The following AGBL1 variants were observed in gnomAD, a reference collection of about 807,000 sequenced individuals.
AGBL1 encodes the protein AGBL carboxypeptidase 1.
In AGBL1, 130 loss-of-function variants were observed where a neutral mutation model predicts 118.9. The ratio of observed to expected loss-of-function variants is 1.09; its 90% CI spans 0.95 to 1.26. The LOEUF (loss-of-function observed/expected upper bound fraction) is 1.26. Among genes scored for constraint, AGBL1 ranks in the 50% most tolerant of loss-of-function variants. The pLI is 0.00. For missense variants in AGBL1, 1,584 were observed against 1,298.1 expected, an observed-to-expected ratio of 1.22 and a Z score of -3.38; for synonymous variants, 555 against 478.9, an observed-to-expected ratio of 1.16 and a Z score of -2.08.
At chr15:86,171,642 A>G (rs1468856405) in intron 5 of AGBL1, among the ~76,000 whole-genome samples, 1 of 152,166 alleles carries the variant, frequency 6.6e-6, no homozygotes, top group African/African-American at 2.4e-5. Context: ...ACCTAACCAT[A>G]ACTCCTGAGT....
At chr15:86,896,140 AT>A (rs1230032031) in intron 22 of AGBL1, among the ~76,000 whole-genome samples, 2 of 152,074 alleles carry the variant, frequency 1.3e-5, no homozygotes, top group Admixed American at 6.6e-5. Flanking sequence ...TCCCAAAAAA[AT>A]CTTTTTCTTT....
chr15:86,625,364 C>CCTTTTTT (rs1429206623), intron 21 of AGBL1, among the ~76,000 whole-genome samples: 2,379 of 68,002 alleles, frequency 0.035, 693 homozygotes, highest in East Asian at 0.11. Context: ...AAGAAATTAG[C>CCTTTTTT]GTTTTTTTTT....
At chr15:86,546,158 C>G in intron 20 of AGBL1, 25 bp downstream of exon 20, 2 of 1,603,030 alleles carry the variant, frequency 1.2e-6, no homozygotes, top group Non-Finnish European at 1.7e-6. Context: ...GGAATGACAT[C>G]AGACATGCTG....
At chr15:86,700,215 G>C (rs2142640431) in intron 22 of AGBL1, among the ~76,000 whole-genome samples, 1 of 151,674 alleles carries the variant, frequency 6.6e-6, no homozygotes, top group Middle Eastern at 3.4e-3. Flanking sequence ...TATTTATTTT[G>C]ATGCTCAAAT....
intron 22 of AGBL1, among the ~76,000 whole-genome samples, chr15:86,872,308 T>C (rs1233918103): frequency 6.6e-6 from 1 of 152,152 alleles, no homozygotes; most frequent in Admixed American, 6.5e-5. Flanking sequence ...GTGGAGAAAA[T>C]TGAGACACAA....
chr15:86,363,022 G>T (rs543717383), intron 17 of AGBL1, among the ~76,000 whole-genome samples: 1 of 152,162 alleles, frequency 6.6e-6, no homozygotes, highest in South Asian at 2.1e-4. Context: ...CAGGATGGTG[G>T]CCAAGTGAGG....
chr15:86,096,040 C>A (rs1269185912), intron 1 of AGBL1, among the ~76,000 whole-genome samples: 2 of 151,556 alleles, frequency 1.3e-5, no homozygotes, highest in African/African-American at 4.9e-5. Flanking sequence ...TAACATTATT[C>A]CCGTAAATTT....
intron 5 of AGBL1, among the ~76,000 whole-genome samples, chr15:86,223,789 C>CT (rs2078316374): frequency 6.6e-6 from 1 of 152,140 alleles, no homozygotes; most frequent in Non-Finnish European, 1.5e-5. Flanking sequence ...ACATGTACTG[C>CT]TTTTCTACTG....
intron 1 of AGBL1, among the ~76,000 whole-genome samples, chr15:86,096,754 G>A (rs1896401400): frequency 6.6e-6 from 1 of 152,110 alleles, no homozygotes; most frequent in African/African-American, 2.4e-5. Context: ...CCTGGAAGAA[G>A]GAGCTTTTCA....
intron 18 of AGBL1, among the ~76,000 whole-genome samples, chr15:86,442,538 A>G (rs550760680): frequency 1.3e-5 from 2 of 152,346 alleles, no homozygotes; most frequent in South Asian, 4.1e-4. Context: ...TAACAGTCCT[A>G]ATAAAAGATC....
intron 5 of AGBL1, among the ~76,000 whole-genome samples, chr15:86,220,393 T>C (rs565200508): frequency 1.1e-4 from 17 of 152,182 alleles, no homozygotes; most frequent in Non-Finnish European, 2.4e-4. Context: ...TAATGATGTA[T>C]ATAGGACATT....
Position 86,702,026 on chromosome 15 carries a change from C to G in AGBL1, c.3158+27590C>G, listed in dbSNP as rs572122154. On this transcript the variant is annotated intron_variant, in intron 22 of 22. Transcript: ENST00000614907. ...GCTGATCTACCCCAACCCTTCTCTC[C>G]TCTTTTCTTCTCTTCCCTCCCCTTC... 8.0e-4 allele frequency among the ~76,000 whole-genome samples: 121 copies of G among 150,938 alleles called. 1 individual carries two copies. The highest frequency in any genetic ancestry group is 3.4e-3 in the Middle Eastern group (1 of 294).
chr15:86,550,001 GATAGTA>G (rs2083643163), intron 20 of AGBL1, among the ~76,000 whole-genome samples: 1 of 152,134 alleles, frequency 6.6e-6, no homozygotes, highest in African/African-American at 2.4e-5. Flanking sequence ...GAGATGGCAA[GATAGTA>G]GAGAATGAAT....
intron 7 of AGBL1, among the ~76,000 whole-genome samples, chr15:86,254,957 T>C (rs981210758): frequency 6.6e-6 from 1 of 152,190 alleles, no homozygotes; most frequent in African/African-American, 2.4e-5. Context: ...ATTTTAATAC[T>C]CCCTCCAGCC....
chr15:86,621,101 A>G (rs1354543817), intron 21 of AGBL1, among the ~76,000 whole-genome samples: 3 of 152,212 alleles, frequency 2.0e-5, no homozygotes, highest in Non-Finnish European at 4.4e-5. Context: ...CACTTTGGCC[A>G]TGAATATAAG....
intron 1 of AGBL1, among the ~76,000 whole-genome samples, chr15:86,134,492 G>GT (rs967167438): frequency 4.0e-5 from 6 of 150,758 alleles, no homozygotes; most frequent in Non-Finnish European, 5.9e-5. Flanking sequence ...GGGATGGACT[G>GT]TTTTTTTCCC....
intron 5 of AGBL1, among the ~76,000 whole-genome samples, chr15:86,185,558 A>G (rs2141811472): frequency 6.6e-6 from 1 of 152,306 alleles, no homozygotes; most frequent in South Asian, 2.1e-4. Context: ...CATATATACC[A>G]CGGAATACTA....
chr15:86,473,968 T>C (rs2082517003), intron 18 of AGBL1, among the ~76,000 whole-genome samples: 4 of 152,206 alleles, frequency 2.6e-5, no homozygotes, highest in African/African-American at 9.6e-5. Flanking sequence ...ATGACTGGTC[T>C]GAATTTCATA....
chr15:86,250,624 G>A (rs1464261139), intron 7 of AGBL1, among the ~76,000 whole-genome samples: 1 of 138,342 alleles, frequency 7.2e-6, no homozygotes, highest in East Asian at 2.6e-4. Flanking sequence ...AAAGTCAGAT[G>A]TTTGACATTC....
Sources: allele counts gnomAD v4.1 joint callset (sites outside exome capture counted in the v4.1 genomes callset), GRCh38; gene constraint gnomAD v4.1.1; transcripts MANE v1.5; gene names NCBI Gene and HGNC (gene_info 2026-07-23, HGNC 2026-07-21).